SCHIP1: variants seen among roughly 807,000 people sequenced by gnomAD.
SCHIP1 encodes the protein schwannomin-interacting protein 1.
Under a neutral mutation model 29.7 loss-of-function variants are expected in SCHIP1, and 8 were observed. The observed-to-expected ratio is 0.27, with a 90% CI of 0.16 to 0.49. SCHIP1 has a LOEUF of 0.49. Ranked by LOEUF, SCHIP1 falls within the 20% of genes least tolerant of loss-of-function variation. The pLI, the probability that SCHIP1 is intolerant of heterozygous loss-of-function variation, is 0.99. For missense variants in SCHIP1, 193 were observed against 294.6 expected, an observed-to-expected ratio of 0.66 and a Z score of 2.52; for synonymous variants, 76 against 94.9, an observed-to-expected ratio of 0.80 and a Z score of 1.16.
At chr3:159,461,375 G>T in the SCHIP1 span, among the ~76,000 whole-genome samples, 1 of 151,928 alleles carries the variant, frequency 6.6e-6, no homozygotes, top group Non-Finnish European at 1.5e-5. Context: ...TGTTGAGGAC[G>T]CTGCCATTCT....
At chr3:159,356,148 T>C in the SCHIP1 span, among the ~76,000 whole-genome samples, 1,612 of 152,136 alleles carry the variant, frequency 0.011, 37 homozygotes, top group African/African-American at 0.037. Context: ...GCATGGCACA[T>C]GTATACATAT....
At chr3:159,880,027 T>A (rs1716274783) in intron 2 of SCHIP1, among the ~76,000 whole-genome samples, 1 of 152,152 alleles carries the variant, frequency 6.6e-6, no homozygotes, top group African/African-American at 2.4e-5. Flanking sequence ...AAAGAAAGTA[T>A]GCATAAGATT....
At chr3:159,782,992 G>A in the SCHIP1 span, among the ~76,000 whole-genome samples, 1 of 152,204 alleles carries the variant, frequency 6.6e-6, no homozygotes, top group Admixed American at 6.5e-5. Context: ...GGACCAGGAA[G>A]GGAGACAAGG....
chr3:159,313,009 T>G, the SCHIP1 span, among the ~76,000 whole-genome samples: 6 of 152,236 alleles, frequency 3.9e-5, no homozygotes, highest in South Asian at 2.1e-4. Flanking sequence ...ATTATTCATC[T>G]TGAGAAATTG....
At chr3:159,809,541 C>G in the SCHIP1 span, among the ~76,000 whole-genome samples, 1 of 151,828 alleles carries the variant, frequency 6.6e-6, no homozygotes, top group Non-Finnish European at 1.5e-5. Flanking sequence ...GTTCTAGATC[C>G]TTGAGGAATT....
the SCHIP1 span, chr3:159,275,035 G>A: frequency 4.1e-6 from 4 of 976,760 alleles, no homozygotes; most frequent in East Asian, 3.4e-4. Context: ...ATTTGATTTT[G>A]GGATAAATGG....
At chr3:159,342,606 C>T in the SCHIP1 span, among the ~76,000 whole-genome samples, 7 of 152,010 alleles carry the variant, frequency 4.6e-5, no homozygotes, top group African/African-American at 1.2e-4. Context: ...GTTATAGAAC[C>T]GCTTTTTATT....
chr3:159,578,873 C>A, the SCHIP1 span, among the ~76,000 whole-genome samples: 19 of 152,104 alleles, frequency 1.2e-4, no homozygotes, highest in Non-Finnish European at 2.1e-4. Context: ...GATAATCTCC[C>A]CATCTCAAGA....
At chr3:159,489,298 T>C in the SCHIP1 span, among the ~76,000 whole-genome samples, 2,300 of 152,316 alleles carry the variant, frequency 0.015, 66 homozygotes, top group African/African-American at 0.054. Context: ...ATTAGACCAC[T>C]AAGCCAGAAA....
chr3:159,593,432 A>G, the SCHIP1 span, among the ~76,000 whole-genome samples: 1 of 152,038 alleles, frequency 6.6e-6, no homozygotes, highest in Admixed American at 6.6e-5. Flanking sequence ...CCAGAATATC[A>G]CAGTCCCTGA....
the SCHIP1 span, chr3:159,764,672 G>GGGAGGAGGA: frequency 6.3e-7 from 1 of 1,590,854 alleles, no homozygotes; most frequent in Non-Finnish European, 8.6e-7. The surrounding 1 kb of genome is among the most constrained non-coding windows in gnomAD (Gnocchi z 6.1). Flanking sequence ...GAGGAGGACG[G>GGGAGGAGGA]GGAGGAGGAG....
the SCHIP1 span, among the ~76,000 whole-genome samples, chr3:159,438,589 G>A: frequency 6.6e-6 from 1 of 152,086 alleles, no homozygotes; most frequent in Non-Finnish European, 1.5e-5. Context: ...CCATCACCCA[G>A]GTATTAAGCC....
At chr3:159,498,177 A>G in the SCHIP1 span, among the ~76,000 whole-genome samples, 4 of 152,232 alleles carry the variant, frequency 2.6e-5, no homozygotes, top group African/African-American at 7.2e-5. Flanking sequence ...AGATCAGCCA[A>G]TTAACTCTGC....
the SCHIP1 span, among the ~76,000 whole-genome samples, chr3:159,704,893 TTTCTTTCTTTCTTTA>T: frequency 7.5e-5 from 6 of 79,712 alleles, no homozygotes; most frequent in African/African-American, 6.7e-4. Context: ...TCTTTCTTTC[TTTCTTTCTTTCTTTA>T]TTTCTTTCTT....
chr3:159,694,465 G>A, the SCHIP1 span, among the ~76,000 whole-genome samples: 1 of 151,730 alleles, frequency 6.6e-6, no homozygotes, highest in African/African-American at 2.4e-5. Context: ...GTTACAGTGA[G>A]CCGAGATTGT....
At chr3:159,341,593 C>T in the SCHIP1 span, among the ~76,000 whole-genome samples, 1 of 152,282 alleles carries the variant, frequency 6.6e-6, no homozygotes, top group East Asian at 1.9e-4. Flanking sequence ...TCTTTCTACC[C>T]CCATCTGTGG....
At chr3:159,492,055 A>C in the SCHIP1 span, among the ~76,000 whole-genome samples, 1 of 152,218 alleles carries the variant, frequency 6.6e-6, no homozygotes, top group Non-Finnish European at 1.5e-5. Context: ...TGTTAGAAGG[A>C]AAACTAACAA....
the SCHIP1 span, among the ~76,000 whole-genome samples, chr3:159,304,966 C>T: frequency 6.6e-6 from 1 of 152,196 alleles, no homozygotes; most frequent in East Asian, 1.9e-4. Flanking sequence ...ACCCCGATCC[C>T]TCCCTGCTGC....
the SCHIP1 span, among the ~76,000 whole-genome samples, chr3:159,830,342 G>A: frequency 1.3e-5 from 2 of 152,146 alleles, no homozygotes; most frequent in African/African-American, 4.8e-5. Flanking sequence ...TGTTTTGCAT[G>A]TTGGTTTTCA....
Sources: allele counts gnomAD v4.1 joint callset (sites outside exome capture counted in the v4.1 genomes callset), GRCh38; gene constraint gnomAD v4.1.1; non-coding constraint Gnocchi (gnomAD v3.1); transcripts MANE v1.5; gene names NCBI Gene and HGNC (gene_info 2026-07-23, HGNC 2026-07-21).